The following PHF24 variants were observed in gnomAD, a reference collection of about 807,000 sequenced individuals.
PHF24 encodes the protein PHD finger protein 24, also known as Galpha inhibitory interacting protein.
Under a neutral mutation model 42.6 loss-of-function variants are expected in PHF24, and 25 were observed. That is an observed-to-expected ratio of 0.59 (90% CI 0.43 to 0.82). The LOEUF (loss-of-function observed/expected upper bound fraction) is 0.82. Ranked by LOEUF, PHF24 falls within the 40% of genes least tolerant of loss-of-function variation. The pLI is 0.00. For missense variants in PHF24, 470 were observed against 538.1 expected, an observed-to-expected ratio of 0.87 and a Z score of 1.25; for synonymous variants, 185 against 204.8, an observed-to-expected ratio of 0.90 and a Z score of 0.83.
At chr9:34,797,771 C>T in the PHF24 span, among the ~76,000 whole-genome samples, 1 of 151,786 alleles carries the variant, frequency 6.6e-6, no homozygotes, top group African/African-American at 2.4e-5. Flanking sequence ...CCAGGGTGGC[C>T]GTGGGAAATG....
At chr9:34,759,345 T>A in the PHF24 span, among the ~76,000 whole-genome samples, 2 of 152,216 alleles carry the variant, frequency 1.3e-5, no homozygotes, top group Non-Finnish European at 2.9e-5. Context: ...CACCTCATCA[T>A]GTTATTATAA....
At chr9:34,873,030 T>C in the PHF24 span, among the ~76,000 whole-genome samples, 4 of 149,824 alleles carry the variant, frequency 2.7e-5, no homozygotes, top group African/African-American at 4.9e-5. Context: ...TCATGTCCTT[T>C]GCCCACTTTT....
chr9:34,901,393 G>A, the PHF24 span, among the ~76,000 whole-genome samples: 1 of 152,116 alleles, frequency 6.6e-6, no homozygotes, highest in Non-Finnish European at 1.5e-5. Context: ...GAAATACAGA[G>A]GGCAAACAAA....
intron 1 of PHF24, among the ~76,000 whole-genome samples, chr9:34,963,391 C>T (rs1353843925): frequency 2.6e-5 from 4 of 151,120 alleles, no homozygotes; most frequent in African/African-American, 7.3e-5. Flanking sequence ...TTTCCACACT[C>T]TTGCAGCTGG....
chr9:34,824,504 T>C, the PHF24 span, among the ~76,000 whole-genome samples: 1 of 152,008 alleles, frequency 6.6e-6, no homozygotes, highest in Non-Finnish European at 1.5e-5. Context: ...GTGGTAAGGA[T>C]AGGGTGGGAA....
the PHF24 span, among the ~76,000 whole-genome samples, chr9:34,666,552 A>ATTTTTTT: frequency 1.2e-4 from 16 of 132,576 alleles, no homozygotes; most frequent in East Asian, 2.2e-4. Flanking sequence ...TCTTCTTGTG[A>ATTTTTTT]TTTTTTTTTT....
At chr9:34,835,288 A>G in the PHF24 span, 1 of 1,552,002 alleles carries the variant, frequency 6.4e-7, no homozygotes, top group Middle Eastern at 1.7e-4. Context: ...TCAGGTTGAA[A>G]GAAACTGGCT....
intron 5 of PHF24, 54 bp downstream of exon 5, chr9:34,976,794 G>A: frequency 6.6e-7 from 1 of 1,514,454 alleles, no homozygotes; most frequent in African/African-American, 1.4e-5. Context: ...AAGGGCCTGG[G>A]AGGCACGCTG....
chr9:34,970,176 A>AC (rs1826924087), intron 1 of PHF24, among the ~76,000 whole-genome samples: 1 of 152,334 alleles, frequency 6.6e-6, no homozygotes, highest in Admixed American at 6.5e-5. Context: ...GCTGACTTCC[A>AC]CTAAGTCTCC....
the PHF24 span, among the ~76,000 whole-genome samples, chr9:34,884,898 G>A: frequency 6.6e-6 from 1 of 152,228 alleles, no homozygotes. Flanking sequence ...ATGGTGGCCA[G>A]TTGCCTGAAA....
At chr9:34,684,739 G>A in the PHF24 span, among the ~76,000 whole-genome samples, 9 of 152,142 alleles carry the variant, frequency 5.9e-5, no homozygotes, top group African/African-American at 2.2e-4. Context: ...ATTGGGGTTT[G>A]GATTGTGTTA....
At chr9:34,683,793 C>A in the PHF24 span, among the ~76,000 whole-genome samples, 1 of 151,996 alleles carries the variant, frequency 6.6e-6, no homozygotes, top group African/African-American at 2.4e-5. Flanking sequence ...GTGCTCCCTT[C>A]GTCCTGTGGA....
chr9:34,866,536 C>T, the PHF24 span, among the ~76,000 whole-genome samples: 5 of 152,160 alleles, frequency 3.3e-5, no homozygotes, highest in African/African-American at 1.2e-4. Flanking sequence ...GAAAAACCAA[C>T]AGAACCAGGG....
chr9:34,811,792 G>C, the PHF24 span, among the ~76,000 whole-genome samples: 1 of 150,788 alleles, frequency 6.6e-6, no homozygotes, highest in Non-Finnish European at 1.5e-5. Context: ...AGAAAAAACA[G>C]ATAAAATATC....
At chr9:34,677,854 C>T in the PHF24 span, among the ~76,000 whole-genome samples, 93 of 152,298 alleles carry the variant, frequency 6.1e-4, no homozygotes, top group African/African-American at 2.2e-3. Context: ...CCTCCTCGTC[C>T]ATTGTCCTCT....
At chr9:34,705,635 G>A in the PHF24 span, among the ~76,000 whole-genome samples, 1 of 152,326 alleles carries the variant, frequency 6.6e-6, no homozygotes, top group Non-Finnish European at 1.5e-5. Context: ...TGTAGTTTTA[G>A]TCGGGGCTCA....
chr9:34,955,137 G>C (rs1343430591), upstream of PHF24, among the ~76,000 whole-genome samples: 1 of 152,168 alleles, frequency 6.6e-6, no homozygotes, highest in Non-Finnish European at 1.5e-5. Flanking sequence ...CTCTCATAAA[G>C]TGCAAGGATT....
At chr9:34,815,164 T>C in the PHF24 span, among the ~76,000 whole-genome samples, 9 of 152,234 alleles carry the variant, frequency 5.9e-5, no homozygotes, top group Non-Finnish European at 8.8e-5. Flanking sequence ...AAAAGTTTGA[T>C]ACTCACCTCA....
intron 5 of PHF24, 120 bp from the exon 6 acceptor site, chr9:34,976,963 A>G: frequency 8.3e-7 from 1 of 1,208,544 alleles, no homozygotes; most frequent in Non-Finnish European, 1.1e-6. Flanking sequence ...TGATGCCTCC[A>G]GAAGGGCTCT....
Sources: gnomAD v4.1 joint callset for allele counts (sites outside exome capture counted in the v4.1 genomes callset) on GRCh38, gnomAD v4.1.1 for gene constraint, MANE v1.5 for transcripts, NCBI Gene and HGNC (gene_info 2026-07-23, HGNC 2026-07-21) for gene names.